DOT1L: variants seen among roughly 807,000 people sequenced by gnomAD.
DOT1L encodes histone-lysine N-methyltransferase, H3 lysine-79 specific.
A neutral mutation model predicts 153.3 loss-of-function variants in DOT1L; 33 were observed. The observed-to-expected ratio is 0.22, with a 90% CI of 0.16 to 0.29. The LOEUF is 0.29. Ranked by LOEUF, DOT1L falls within the 10% of genes least tolerant of loss-of-function variation. The probability of loss-of-function intolerance (pLI) is 1.00; values close to 1 mark genes in which losing one functional copy is unlikely to be tolerated. For synonymous variants in DOT1L, 1,135 were observed against 965.1 expected, an observed-to-expected ratio of 1.18 and a Z score of -3.26; for missense variants, 1,847 against 2,119.9, an observed-to-expected ratio of 0.87 and a Z score of 2.53.
rs1462713428 is a variant in DOT1L at position 2,164,280 on chromosome 19, C to T, written c.81+15C>T. On this transcript the variant is annotated intron_variant, in intron 1 of 27. Transcript: ENST00000398665. ...TGCCGGTCTACGTGAGTGCCGCCCT[C>T]CACCGTCCCTACCTCCCGGCCTCCC... 8 of 1,258,032 alleles carry T rather than the reference C, an allele frequency of 6.4e-6. No individual in the cohort carries two copies. The highest frequency in any genetic ancestry group is 7.0e-6 in the Non-Finnish European group (7 of 999,326). 77.9% of individuals were successfully genotyped at this position (1,258,032 alleles called of 1,614,324 possible).
intron 20 of DOT1L, 57 bp downstream of exon 20, chr19:2,216,822 T>C: frequency 6.4e-7 from 1 of 1,558,010 alleles, no homozygotes; most frequent in Non-Finnish European, 8.7e-7. Context: ...CTCTGCCTGG[T>C]GTGCTCAGGC....
chr19:2,206,334 G>T (rs1188916426), intron 9 of DOT1L, among the ~76,000 whole-genome samples: 1 of 151,928 alleles, frequency 6.6e-6, no homozygotes, highest in Non-Finnish European at 1.5e-5. Flanking sequence ...GGGCGTGGTG[G>T]CTCACTTGAG....
chr19:2,205,061 C>G (rs1311837848), intron 9 of DOT1L, among the ~76,000 whole-genome samples: 1 of 152,068 alleles, frequency 6.6e-6, no homozygotes, highest in East Asian at 1.9e-4. Flanking sequence ...AGCTCCGCCT[C>G]CCAGGTTCAC....
chr19:2,192,671 T>G (rs2022846790), intron 5 of DOT1L, among the ~76,000 whole-genome samples: 1 of 80,176 alleles, frequency 1.2e-5, no homozygotes, highest in Non-Finnish European at 2.5e-5. Flanking sequence ...AGACTCCGTC[T>G]CAAAAAAAAA....
chr19:2,210,065 G>A (rs929723477), intron 12 of DOT1L, among the ~76,000 whole-genome samples: 2 of 152,184 alleles, frequency 1.3e-5, no homozygotes, highest in African/African-American at 4.8e-5. Flanking sequence ...TGGCTTCTAG[G>A]TCCTGCTGCC....
rs1459642461 is a variant in DOT1L, at chr19:2,229,788, A to G, written c.4610A>G (p.Asn1537Ser). 1.9e-6 allele frequency: 3 copies of G among 1,613,148 alleles called. No homozygotes were observed. Among genetic ancestry groups the G allele is most frequent in the Non-Finnish European group, 2.5e-6 (3 of 1,179,928 alleles). ...TTCCCGCTGTGCCCTTCTGCAGGTA[A>G]CTAGGATTTCTACCTCAACCGCGAG... ...SGVAGGTVGG[N>S] The change falls in exon 28 of 28, where the codon AAC (asparagine) becomes AGC (serine). Residue 1537 changes from asparagine to serine, a missense_variant. Around this residue, in one of 8 missense-constraint regions of DOT1L, gnomAD observed 934 missense variants for 825.3 expected, o/e 1.13. Transcript: ENST00000398665.
chr19:2,228,206 C>G, intron 27 of DOT1L: 1 of 1,364,586 alleles, frequency 7.3e-7, no homozygotes, highest in Non-Finnish European at 9.8e-7. Context: ...CGGTGCACCA[C>G]CAGCCCCTGC....
At chr19:2,216,241 C>T (rs758710255) in intron 19 of DOT1L, 40 bp from the exon 20 acceptor site, 1 of 1,529,222 alleles carries the variant, frequency 6.5e-7, no homozygotes, top group South Asian at 1.3e-5. Flanking sequence ...TGGAGTGGTC[C>T]CCCGGTGGGG....
chr19:2,209,573 C>T (rs1399179401), intron 12 of DOT1L, among the ~76,000 whole-genome samples: 2 of 152,220 alleles, frequency 1.3e-5, no homozygotes, highest in African/African-American at 2.4e-5. Flanking sequence ...GCAGGGCTGT[C>T]CCCTCCTCTC....
At chr19:2,214,636 C>T in intron 19 of DOT1L, 40 bp downstream of exon 19, 2 of 1,602,498 alleles carry the variant, frequency 1.2e-6, no homozygotes, top group Non-Finnish European at 8.5e-7. Context: ...GTGTCCGAGC[C>T]TCTCCCATCA....
intron 2 of DOT1L, 47 bp from the exon 3 acceptor site, chr19:2,185,807 AC>A: frequency 1.3e-6 from 2 of 1,596,290 alleles, no homozygotes; most frequent in Middle Eastern, 1.7e-4. Context: ...ACAAAACAAA[AC>A]AAAAAAAACC....
chr19:2,214,405 T>C (rs1301399067), intron 18 of DOT1L, 66 bp from the exon 19 acceptor site: 2 of 1,583,200 alleles, frequency 1.3e-6, no homozygotes, highest in Non-Finnish European at 1.7e-6. Context: ...AACCCTGCCC[T>C]GAGAGTGTGG....
Position 2,191,514 on chromosome 19 carries a change from C to T in DOT1L, c.493+274C>T, listed in dbSNP as rs562599984. 9.2e-5 allele frequency among the ~76,000 whole-genome samples: 14 copies of T among 152,212 alleles called. No homozygotes were observed. The South Asian group carries it at 2.9e-3, about 32-fold the overall frequency. On this transcript the variant is annotated intron_variant, in intron 5 of 27. Coordinates refer to ENST00000398665, the MANE Select transcript of DOT1L (RefSeq NM_032482.3). The surrounding 1 kb of genome is among the most constrained non-coding windows in gnomAD (Gnocchi z 6.8). Reference sequence around the variant, plus strand: ...CGGAGACTCTGCTTTCGTCCTGCTTCCCACCAGCTGGGGAGCTAGACCTGT... The same window carrying T: ...CGGAGACTCTGCTTTCGTCCTGCTTTCCACCAGCTGGGGAGCTAGACCTGT...
At chr19:2,201,451 G>T (rs1469994744) in intron 8 of DOT1L, among the ~76,000 whole-genome samples, 8 of 152,178 alleles carry the variant, frequency 5.3e-5, no homozygotes, top group South Asian at 4.1e-4. Context: ...TTCTTCCTCG[G>T]GTGTGCTCGT....
chr19:2,229,461 C>A (rs549768548), intron 27 of DOT1L: 466 of 985,434 alleles, frequency 4.7e-4, no homozygotes, highest in Non-Finnish European at 5.4e-4. Context: ...TCAATGCGGG[C>A]ACCTGCGGGC....
Position 2,164,169 on chromosome 19 carries a change from G to C in DOT1L, c.-16G>C, listed in dbSNP as rs2144619833. On this transcript the variant is annotated 5_prime_UTR_variant, in exon 1 of 28. Coordinates refer to ENST00000398665, the MANE Select transcript of DOT1L (RefSeq NM_032482.3). ...AACCGCCCGCCTAGCATGGTGCGGC[G>C]GCCGCGCGCGCGGACATGGGGGAGA... 1 of 1,221,986 alleles carries C rather than the reference G, an allele frequency of 8.2e-7. No homozygotes were observed. Among genetic ancestry groups the C allele is most frequent in the Non-Finnish European group, 1.0e-6 (1 of 979,976 alleles). 75.7% of individuals were successfully genotyped at this position (1,221,986 alleles called of 1,614,324 possible). A position where few individuals can be genotyped will look rare whatever the true frequency, so the allele number is the denominator to read the frequency against.
At chr19:2,181,687 A>G (rs959276384) in intron 2 of DOT1L, among the ~76,000 whole-genome samples, 59 of 151,874 alleles carry the variant, frequency 3.9e-4, no homozygotes, top group African/African-American at 1.4e-3. Flanking sequence ...TGTTCTTTGT[A>G]AAAGAAGTCT....
intron 2 of DOT1L, among the ~76,000 whole-genome samples, chr19:2,185,325 C>A (rs1038597592): frequency 4.6e-5 from 7 of 152,214 alleles, no homozygotes; most frequent in Non-Finnish European, 8.8e-5. Flanking sequence ...TGGTGTGTGG[C>A]CTCGAAGCCA....
intron 1 of DOT1L, among the ~76,000 whole-genome samples, chr19:2,175,001 T>TGG (rs2021851505): frequency 8.4e-6 from 1 of 118,932 alleles, no homozygotes. Flanking sequence ...TGTGTATATA[T>TGG]ATATTTTTTT....
Sources: gnomAD v4.1 joint callset for allele counts (sites outside exome capture counted in the v4.1 genomes callset) on GRCh38, gnomAD v4.1.1 for gene constraint, gnomAD v4.1.1 regional missense constraint, Gnocchi (gnomAD v3.1) non-coding constraint, MANE v1.5 for transcripts, NCBI Gene and HGNC (gene_info 2026-07-23, HGNC 2026-07-21) for gene names.